The following PLCH1 variants were observed in gnomAD, a reference collection of about 807,000 sequenced individuals.
PLCH1 encodes the protein phospholipase C eta 1.
Under a neutral mutation model 126.7 loss-of-function variants are expected in PLCH1, and 60 were observed. That is an observed-to-expected ratio of 0.47 (90% CI 0.38 to 0.59). The LOEUF (loss-of-function observed/expected upper bound fraction) is 0.59. Among genes scored for constraint, PLCH1 ranks in the 20% least tolerant of loss-of-function variants. The probability of loss-of-function intolerance (pLI) is 0.00; values close to 1 mark genes in which losing one functional copy is unlikely to be tolerated. For missense variants in PLCH1, 1,723 were observed against 2,040.0 expected, an observed-to-expected ratio of 0.84 and a Z score of 2.99; for synonymous variants, 719 against 734.9, an observed-to-expected ratio of 0.98 and a Z score of 0.35.
intron 2 of PLCH1, among the ~76,000 whole-genome samples, chr3:155,626,300 T>C (rs536113142): frequency 6.6e-6 from 1 of 152,240 alleles, no homozygotes; most frequent in African/African-American, 2.4e-5. Flanking sequence ...GGGTGTCTCA[T>C]TGACACTGGT....
intron 21 of PLCH1, among the ~76,000 whole-genome samples, chr3:155,468,022 C>A: frequency 6.6e-6 from 1 of 152,050 alleles, no homozygotes. Context: ...AATGAGGAAC[C>A]AATCAATAAT....
chr3:155,707,820 C>T (rs993511038), intron 1 of PLCH1, among the ~76,000 whole-genome samples: 5 of 152,170 alleles, frequency 3.3e-5, no homozygotes, highest in African/African-American at 4.8e-5. Context: ...TCAACACTTT[C>T]GGGACAGAAG....
chr3:155,702,985 C>G (rs1401897171), intron 2 of PLCH1, among the ~76,000 whole-genome samples: 2 of 152,126 alleles, frequency 1.3e-5, no homozygotes, highest in Non-Finnish European at 1.5e-5. Context: ...GAGAACCAAC[C>G]TGGAAAGGTG....
At chr3:155,543,063 C>T (rs1275424122) in intron 10 of PLCH1, among the ~76,000 whole-genome samples, 1 of 152,118 alleles carries the variant, frequency 6.6e-6, no homozygotes, top group Non-Finnish European at 1.5e-5. Context: ...GTTGAGAGAA[C>T]AAGGCTTCAG....
intron 2 of PLCH1, among the ~76,000 whole-genome samples, chr3:155,676,942 C>T (rs559553258): frequency 6.6e-6 from 1 of 152,252 alleles, no homozygotes; most frequent in South Asian, 2.1e-4. Flanking sequence ...TATTATAGTG[C>T]AATTTTCCCT....
intron 10 of PLCH1, among the ~76,000 whole-genome samples, chr3:155,532,606 A>G (rs529043185): frequency 5.9e-5 from 9 of 152,058 alleles, no homozygotes; most frequent in Non-Finnish European, 1.3e-4. Flanking sequence ...ATGACTTTAT[A>G]AAGGGCTCTT....
chr3:155,487,995 G>A (rs930862252), intron 21 of PLCH1, 33 bp downstream of exon 21: 3 of 1,198,868 alleles, frequency 2.5e-6, no homozygotes, highest in South Asian at 2.4e-5. Context: ...CCATATTAAT[G>A]TATATGACTT....
At chr3:155,479,587 C>T (rs1406542589), downstream of PLCH1, among the ~76,000 whole-genome samples, 1 of 152,036 alleles carries the variant, frequency 6.6e-6, no homozygotes, top group African/African-American at 2.4e-5. Flanking sequence ...CCACTACCAC[C>T]GCTTCCCTCC....
intron 1 of PLCH1, among the ~76,000 whole-genome samples, chr3:155,707,644 C>T (rs1414510963): frequency 6.9e-6 from 1 of 143,970 alleles, no homozygotes; most frequent in Non-Finnish European, 1.5e-5. Flanking sequence ...GCCTGGGCAA[C>T]AAGAACAAAA....
Position 155,458,437 on chromosome 3 carries a change from GGAAGGAAGGAAGGAAGGAAAGAAA to G in PLCH1, c.2938+26895_2938+26918del, listed in dbSNP as rs1292134482. Among the ~76,000 whole-genome samples the G allele has an allele frequency of 2.8e-3, 205 of 73,592 alleles. 1 individual carries two copies. The highest frequency in any genetic ancestry group is 0.012 in the South Asian group (25 of 2,028). The allele number at this position is 73,592 out of a possible 152,430, so 48.3% of individuals were successfully genotyped here. Reference sequence around the variant, plus strand: ...AGGAAGGAAGGAAGGAAGGAAGGAAGGAAGGAAGGAAGGAAGGAAAGAAAGAAAGAAAGAAAGAAAGAAAGAAAG... The same window carrying G: ...AGGAAGGAAGGAAGGAAGGAAGGAAGGAAAGAAAGAAAGAAAGAAAGAAAG... On this transcript the variant is annotated intron_variant, in intron 21 of 21. Coordinates refer to the PLCH1 transcript ENST00000494598.
chr3:155,659,302 C>CTTTTTTTTTTTTTT lies in PLCH1; in HGVS notation c.79+44830_79+44843dup, dbSNP rs753258422. Among the ~76,000 whole-genome samples, 5 of 30,848 alleles carry CTTTTTTTTTTTTTT rather than the reference C, an allele frequency of 1.6e-4. 2 individuals are homozygous for CTTTTTTTTTTTTTT. Among genetic ancestry groups the CTTTTTTTTTTTTTT allele is most frequent in the Non-Finnish European group, 3.6e-4 (5 of 13,866 alleles). The allele number at this position is 30,848 out of a possible 152,430, so 20.2% of individuals were successfully genotyped here. On this transcript the variant is annotated intron_variant, in intron 2 of 22. Coordinates refer to ENST00000460012, the MANE Select transcript of PLCH1 (RefSeq NM_014996.4). Reference sequence around the variant, plus strand: ...CCAGGCGTGAGATGTCTATTCACTTCTTTTTTTTTTTTTTTTTTTTTTTTT... The same window carrying CTTTTTTTTTTTTTT: ...CCAGGCGTGAGATGTCTATTCACTTCTTTTTTTTTTTTTTTTTTTTTTTTTTTTTTTTTTTTTTT...
chr3:155,673,009 A>C (rs1296958233), intron 2 of PLCH1, among the ~76,000 whole-genome samples: 1 of 145,806 alleles, frequency 6.9e-6, no homozygotes, highest in Non-Finnish European at 1.5e-5. Flanking sequence ...TAAAACTCAA[A>C]TCTGATTATT....
intron 2 of PLCH1, among the ~76,000 whole-genome samples, chr3:155,650,010 G>A (rs1191533165): frequency 1.3e-5 from 2 of 152,032 alleles, no homozygotes; most frequent in Non-Finnish European, 1.5e-5. Context: ...ACAAGACTCG[G>A]GGAGTGAGTG....
At chr3:155,466,053 T>A (rs1200700081) in intron 21 of PLCH1, among the ~76,000 whole-genome samples, 1 of 152,274 alleles carries the variant, frequency 6.6e-6, no homozygotes, top group South Asian at 2.1e-4. Context: ...CTAGGGTCTA[T>A]GAGATTTCAC....
At chr3:155,650,212 TGA>T (rs1740555374) in intron 2 of PLCH1, among the ~76,000 whole-genome samples, 1 of 152,210 alleles carries the variant, frequency 6.6e-6, no homozygotes, top group Non-Finnish European at 1.5e-5. Context: ...CTATGAGATG[TGA>T]TAGGTATAAT....
intron 1 of PLCH1, among the ~76,000 whole-genome samples, chr3:155,736,345 T>C (rs921348519): frequency 1.3e-5 from 2 of 152,238 alleles, no homozygotes; most frequent in Non-Finnish European, 2.9e-5. Context: ...GTAGAACATT[T>C]GTGTACAAGC....
chr3:155,633,393 C>G (rs1417932173), intron 2 of PLCH1, among the ~76,000 whole-genome samples: 2 of 146,564 alleles, frequency 1.4e-5, no homozygotes, highest in African/African-American at 5.1e-5. Context: ...CTGTTTCTTT[C>G]AGCACTTATT....
chr3:155,629,335 T>C (rs1737749986), intron 2 of PLCH1, among the ~76,000 whole-genome samples: 1 of 152,208 alleles, frequency 6.6e-6, no homozygotes, highest in Non-Finnish European at 1.5e-5. Context: ...CAATGTGGCC[T>C]AATCCCATGG....
intron 2 of PLCH1, among the ~76,000 whole-genome samples, chr3:155,631,304 C>G (rs1737990369): frequency 6.6e-6 from 1 of 151,308 alleles, no homozygotes; most frequent in Admixed American, 6.6e-5. Context: ...TCACTAGGAT[C>G]CTAGTGTAAT....
Sources: gnomAD v4.1 joint callset for allele counts (sites outside exome capture counted in the v4.1 genomes callset) on GRCh38, gnomAD v4.1.1 for gene constraint, MANE v1.5 for transcripts, NCBI Gene and HGNC (gene_info 2026-07-23, HGNC 2026-07-21) for gene names.